The following RTF1 variants were observed in gnomAD, a reference collection of about 807,000 sequenced individuals.
The protein encoded by RTF1 is RNA polymerase-associated protein RTF1 homolog.
In RTF1, 10 loss-of-function variants were observed where a neutral mutation model predicts 95.7. That is an observed-to-expected ratio of 0.10 (90% CI 0.06 to 0.18). The LOEUF (loss-of-function observed/expected upper bound fraction) is 0.18. Among genes scored for constraint, RTF1 ranks in the 10% least tolerant of loss-of-function variants. RTF1 has a pLI of 1.00. For synonymous variants in RTF1, 305 were observed against 311.8 expected (o/e 0.98, Z 0.23); for missense variants, 458 against 875.6 (o/e 0.52, Z 6.02).
chr15:41,450,067 G>A (rs1227769512), intron 2 of RTF1, among the ~76,000 whole-genome samples: 1 of 151,974 alleles, frequency 6.6e-6, no homozygotes, highest in Non-Finnish European at 1.5e-5. Context: ...ATAGTGGCAT[G>A]CACCTGTAAT....
At chr15:41,457,164 G>C (rs1368814912) in intron 3 of RTF1, among the ~76,000 whole-genome samples, 3 of 152,178 alleles carry the variant, frequency 2.0e-5, no homozygotes, top group African/African-American at 7.2e-5. Context: ...CACTTTGGGA[G>C]GCCAAGTCAG....
rs537357096 is a variant in RTF1 at position 41,479,090 on chromosome 15, T to C, written c.1819-13T>C. Reference sequence around the variant, plus strand: ...GTCAAGCAATCTCTAAAACAACTTATTTTCTCTCTCAGTCCAGAGACCCAG... The same window carrying C: ...GTCAAGCAATCTCTAAAACAACTTACTTTCTCTCTCAGTCCAGAGACCCAG... On this transcript the variant is annotated splice_polypyrimidine_tract_variant and intron_variant, in intron 15 of 17. Transcript: ENST00000389629. 7 of 1,596,778 alleles carry C rather than the reference T, an allele frequency of 4.4e-6. No individual in the cohort carries two copies. The highest frequency in any genetic ancestry group is 6.0e-6 in the Non-Finnish European group (7 of 1,164,712).
chr15:41,466,329 CTT>C, intron 6 of RTF1, 77 bp downstream of exon 6: 1 of 892,964 alleles, frequency 1.1e-6, no homozygotes. Context: ...ATTTTGCCCT[CTT>C]GTTATATCTT....
At chr15:41,438,860 CA>C (rs1193046414) in intron 2 of RTF1, among the ~76,000 whole-genome samples, 71 of 131,472 alleles carry the variant, frequency 5.4e-4, no homozygotes, top group South Asian at 3.4e-3. Flanking sequence ...GACTCTGTCT[CA>C]AAAAAAAAAA....
At chr15:41,470,458 C>A in intron 7 of RTF1, 66 bp downstream of exon 7, 4 of 1,554,622 alleles carry the variant, frequency 2.6e-6, no homozygotes, top group South Asian at 1.1e-5. Flanking sequence ...AGCTTGGTAT[C>A]GTTTCCAAAA....
intron 1 of RTF1, among the ~76,000 whole-genome samples, chr15:41,435,193 A>T (rs2050695646): frequency 6.6e-6 from 1 of 152,104 alleles, no homozygotes; most frequent in Non-Finnish European, 1.5e-5. Flanking sequence ...TGTATTTGTG[A>T]ACCTGAAGGA....
intron 1 of RTF1, among the ~76,000 whole-genome samples, chr15:41,419,922 C>G (rs980376571): frequency 6.6e-6 from 1 of 152,066 alleles, no homozygotes; most frequent in Non-Finnish European, 1.5e-5. Context: ...TGGGTTCAAG[C>G]GATTCTCCTG....
chr15:41,430,717 G>T (rs1427318926), intron 1 of RTF1, among the ~76,000 whole-genome samples: 1 of 151,746 alleles, frequency 6.6e-6, no homozygotes, highest in Non-Finnish European at 1.5e-5. Flanking sequence ...CTCTTGTCTA[G>T]GCGACAGACC....
Position 41,480,809 on chromosome 15 carries a change from C to A in RTF1, c.*122C>A. 1.4e-6 allele frequency: 1 copy of A among 710,740 alleles called. No homozygotes were observed. The allele number at this position is 710,740 out of a possible 1,614,324, so 44.0% of individuals were successfully genotyped here. A position where few individuals can be genotyped will look rare whatever the true frequency, so the allele number is the denominator to read the frequency against. ...TGTTGAACTGGGAAGAGACTCTAAA[C>A]TGCCAGTCATCTGTAATATAAACCA... On this transcript the variant is annotated 3_prime_UTR_variant, in exon 18 of 18. Coordinates refer to ENST00000389629, the MANE Select transcript of RTF1 (RefSeq NM_015138.5).
chr15:41,478,393 T>G lies in RTF1; in HGVS notation c.1741-155T>G, dbSNP rs1020228463. 22 of 638,670 alleles carry G rather than the reference T, an allele frequency of 3.4e-5. No individual in the cohort carries two copies. In the African/African-American group the frequency reaches 3.7e-4, roughly 11 times the overall value. 39.6% of individuals were successfully genotyped at this position (638,670 alleles called of 1,614,324 possible). On this transcript the variant is annotated intron_variant, in intron 14 of 17. Coordinates refer to ENST00000389629, the MANE Select transcript of RTF1 (RefSeq NM_015138.5). Reference sequence around the variant, plus strand: ...TTCAGCCTAGGCGACAGGGCGAGACTCCATCTCAAAAAAAATTAAAAAAAA... The same window carrying G: ...TTCAGCCTAGGCGACAGGGCGAGACGCCATCTCAAAAAAAATTAAAAAAAA...
chr15:41,432,940 C>CA (rs1482798185), intron 1 of RTF1, among the ~76,000 whole-genome samples: 34 of 147,328 alleles, frequency 2.3e-4, no homozygotes, highest in Admixed American at 1.1e-3. Context: ...CTCCGTCTCA[C>CA]AAAAAAAAGA....
chr15:41,479,779 C>T (rs535878804), intron 16 of RTF1, among the ~76,000 whole-genome samples: 5 of 150,608 alleles, frequency 3.3e-5, no homozygotes, highest in African/African-American at 9.8e-5. Context: ...AGGAAAATCG[C>T]GTGAACCTGG....
intron 4 of RTF1, among the ~76,000 whole-genome samples, chr15:41,461,920 CTTT>C (rs1225221132): frequency 5.2e-5 from 7 of 134,266 alleles, no homozygotes; most frequent in Admixed American, 7.5e-5. Flanking sequence ...ATTTTTTTTT[CTTT>C]TTTTTTTTTT....
rs1047873390 is a variant in RTF1, at chr15:41,417,716, C to G, written c.198+403C>G. 1.2e-4 allele frequency among the ~76,000 whole-genome samples: 19 copies of G among 152,164 alleles called. No individual in the cohort carries two copies. The East Asian group carries it at 3.5e-3, about 28-fold the overall frequency. ...AGGTTTTGGAGGAGGTGCAAGGGTGCGCGTCGAGCAGTTGGGGGCGAGGGC... is the reference window on the plus strand; with the variant it reads ...AGGTTTTGGAGGAGGTGCAAGGGTGGGCGTCGAGCAGTTGGGGGCGAGGGC... On this transcript the variant is annotated intron_variant, in intron 1 of 17. Transcript: ENST00000389629.
chr15:41,443,198 C>A (rs892390351), intron 2 of RTF1, among the ~76,000 whole-genome samples: 8 of 151,990 alleles, frequency 5.3e-5, no homozygotes, highest in Admixed American at 3.3e-4. Flanking sequence ...GAGAGAAGCT[C>A]TGAAAGTTTT....
chr15:41,438,176 C>T lies in RTF1; in HGVS notation c.199-145C>T, dbSNP rs1464475838. ...TTGGAATCCTAGCAGTCAGTCTGTT[C>T]ATGCTGATAGAAGTCCCTGTGACAA... On this transcript the variant is annotated intron_variant, in intron 1 of 17. Transcript: ENST00000389629. 6 of 489,490 alleles carry T rather than the reference C, an allele frequency of 1.2e-5. 1 individual carries two copies. In the East Asian group the frequency reaches 1.3e-4, roughly 10 times the overall value. The allele number at this position is 489,490 out of a possible 1,614,324, so 30.3% of individuals were successfully genotyped here.
intron 16 of RTF1, 32 bp from the exon 17 acceptor site, chr15:41,480,181 CT>C (rs778222878): frequency 7.4e-7 from 1 of 1,359,450 alleles, no homozygotes; most frequent in Non-Finnish European, 1.1e-6. Context: ...TGCATTTATG[CT>C]CTTACCATTA....
intron 1 of RTF1, among the ~76,000 whole-genome samples, chr15:41,431,279 A>G (rs1294662530): frequency 1.4e-5 from 2 of 146,310 alleles, no homozygotes; most frequent in South Asian, 2.2e-4. Flanking sequence ...CAGTGGTGCA[A>G]TCTCGGCTCA....
rs190044801 is a variant in RTF1, at chr15:41,443,104, C to T, written c.309+4673C>T. Reference sequence around the variant, plus strand: ...AGAACAACTGAGCTAAAAAGTTAATCGGTAATTTGTTTATAAAATCAGAGA... The same window carrying T: ...AGAACAACTGAGCTAAAAAGTTAATTGGTAATTTGTTTATAAAATCAGAGA... On this transcript the variant is annotated intron_variant, in intron 2 of 17. Transcript: ENST00000389629. Among the ~76,000 whole-genome samples the T allele has an allele frequency of 2.6e-3, 392 of 152,016 alleles. 2 individuals are homozygous for T. Among genetic ancestry groups the T allele is most frequent in the South Asian group, 6.4e-3 (31 of 4,814 alleles).
Sources: gnomAD v4.1 joint callset for allele counts (sites outside exome capture counted in the v4.1 genomes callset) on GRCh38, gnomAD v4.1.1 for gene constraint, MANE v1.5 for transcripts, NCBI Gene and HGNC (gene_info 2026-07-23, HGNC 2026-07-21) for gene names.